Variants in ERBB2 observed in about 807,000 individuals in gnomAD.
ERBB2 encodes erb-b2 receptor tyrosine kinase 2.
In ERBB2, 61 loss-of-function variants were observed where a neutral mutation model predicts 149.0. The ratio of observed to expected loss-of-function variants is 0.41; its 90% confidence interval spans 0.33 to 0.51. ERBB2 has a LOEUF of 0.51. ERBB2 is among the 20% of genes least tolerant of loss of function. The pLI, the probability that ERBB2 is intolerant of heterozygous loss-of-function variation, is 0.25. For missense variants in ERBB2, 1,205 were observed against 1,655.1 expected (o/e 0.73, Z 4.72); for synonymous variants, 633 against 678.8 (o/e 0.93, Z 1.05).
Position 39,727,816 on chromosome 17 carries a change from C to T in ERBB2, c.3540C>T (p.Val1180=), listed in dbSNP as rs759480536. 123 of 1,613,278 alleles carry T rather than the reference C, an allele frequency of 7.6e-5. No homozygotes were observed. Among genetic ancestry groups the T allele is most frequent in the Non-Finnish European group, 9.7e-5 (114 of 1,179,526 alleles). The change falls in exon 27 of 27, where the codon GTC becomes GTT. Residue 1180 remains valine, a synonymous_variant. Transcript: ENST00000269571. The surrounding 1 kb of genome is among the most constrained non-coding windows in gnomAD (Gnocchi z 4.3). ...CTCTCTCCCCAGGGAAGAATGGGGTCGTCAAAGACGTTTTTGCCTTTGGGG... is the reference window on the plus strand; with the variant it reads ...CTCTCTCCCCAGGGAAGAATGGGGTTGTCAAAGACGTTTTTGCCTTTGGGG... The part of the protein sequence containing the change: ...PKTLSPGKNG[V]VKDVFAFGGA...
Position 39,725,872 on chromosome 17 carries a change from C to A in ERBB2, c.2872+19C>A, listed in dbSNP as rs1173728381. On this transcript the variant is annotated intron_variant, in intron 23 of 26. Transcript: ENST00000269571. The surrounding 1 kb of genome is among the most constrained non-coding windows in gnomAD (Gnocchi z 4.6). ...GTCAAATGTGCGTGGCTGAGCTGTGCTGGCTGCCTGGAGGAGGGTGGGAGG... is the reference window on the plus strand; with the variant it reads ...GTCAAATGTGCGTGGCTGAGCTGTGATGGCTGCCTGGAGGAGGGTGGGAGG... 6.2e-7 allele frequency: 1 copy of A among 1,611,706 alleles called. No homozygotes were observed. Among genetic ancestry groups the A allele is most frequent in the South Asian group, 1.1e-5 (1 of 90,550 alleles).
chr17:39,712,471 G>C (rs2145581444), intron 9 of ERBB2, 23 bp downstream of exon 9: 9 of 1,611,626 alleles, frequency 5.6e-6, no homozygotes, highest in Non-Finnish European at 7.6e-6. Flanking sequence ...ACGATGACCT[G>C]AGACAGTGTC....
chr17:39,700,587 T>C (rs1000635791), intron 1 of ERBB2, among the ~76,000 whole-genome samples: 8 of 152,166 alleles, frequency 5.3e-5, no homozygotes, highest in Non-Finnish European at 8.8e-5. Flanking sequence ...TCTCTGAAAT[T>C]GTTCAGAAAG....
chr17:39,702,679 T>C (rs745365564), intron 1 of ERBB2, among the ~76,000 whole-genome samples: 28 of 152,258 alleles, frequency 1.8e-4, no homozygotes, highest in Non-Finnish European at 3.7e-4. Context: ...GGTTTGGGAT[T>C]ACCCATATTC....
intron 4 of ERBB2, 69 bp downstream of exon 4, chr17:39,709,521 AC>A: frequency 1.3e-6 from 2 of 1,573,972 alleles, no homozygotes; most frequent in Non-Finnish European, 1.7e-6. Context: ...CTCCCAACTT[AC>A]AACCCAGTGC....
chr17:39,694,286 T>TACAC (rs1567888267), upstream of ERBB2, among the ~76,000 whole-genome samples: 9 of 45,176 alleles, frequency 2.0e-4, no homozygotes, highest in Non-Finnish European at 5.2e-4. Context: ...TATATATATA[T>TACAC]ATACACATAT....
chr17:39,724,744 G>C lies in ERBB2; in HGVS notation c.2326G>C (p.Gly776Arg). The change falls in exon 20 of 27, where the codon GGT (glycine) becomes CGT (arginine). Residue 776 changes from glycine (G) to arginine (R), a missense_variant. Gly to Arg is a moderately radical substitution (Grantham distance 125). This residue lies in a region of ERBB2 where 152 missense variants were observed against 318.1 expected (regional missense o/e 0.48). Coordinates refer to ENST00000269571, the MANE Select transcript of ERBB2 (RefSeq NM_004448.4). Reference sequence around the variant, plus strand: ...TCCCCAGGAAGCATACGTGATGGCTGGTGTGGGCTCCCCATATGTCTCCCG... The same window carrying C: ...TCCCCAGGAAGCATACGTGATGGCTCGTGTGGGCTCCCCATATGTCTCCCG... Reference protein sequence around the residue: ...EILDEAYVMAGVGSPYVSRLL... With the variant: ...EILDEAYVMARVGSPYVSRLL... The C allele has an allele frequency of 6.2e-7, 1 of 1,614,162 alleles. No individual in the cohort carries two copies. Among genetic ancestry groups the C allele is most frequent in the Non-Finnish European group, 8.5e-7 (1 of 1,180,012 alleles).
At chr17:39,699,591 AAC>A, upstream of ERBB2, 1 of 1,448,942 alleles carries the variant, frequency 6.9e-7, no homozygotes, top group Non-Finnish European at 9.4e-7. Flanking sequence ...CCACAAGGTA[AAC>A]ACAACACATC....
chr17:39,700,809 G>A (rs553334049), intron 1 of ERBB2, among the ~76,000 whole-genome samples: 1 of 152,088 alleles, frequency 6.6e-6, no homozygotes, highest in Non-Finnish European at 1.5e-5. Context: ...TCCTGCTTCT[G>A]GCGGGGTCGG....
chr17:39,688,860 A>C (rs2057626483), intron 2 of ERBB2: 2 of 152,386 alleles, frequency 1.3e-5, no homozygotes, highest in Admixed American at 1.3e-4. Flanking sequence ...ATACATCAAC[A>C]TAAGAACTTG....
chr17:39,717,717 A>G, intron 15 of ERBB2: 1 of 419,556 alleles, frequency 2.4e-6, no homozygotes, highest in Admixed American at 4.0e-5. Context: ...TTGTCTGTGC[A>G]CATTCTAATA....
chr17:39,705,987 GGGCACTTTAATCTCCCCTCACT>G (rs1202717272), intron 1 of ERBB2, among the ~76,000 whole-genome samples: 5 of 152,310 alleles, frequency 3.3e-5, no homozygotes, highest in Admixed American at 3.3e-4. Flanking sequence ...AAGTTCAACT[GGGCACTTTAATCTCCCCTCACT>G]GGCAGGCCTG....
chr17:39,726,836 A>G lies in ERBB2; in HGVS notation c.2992A>G (p.Ser998Gly). 1 of 1,612,836 alleles carries G rather than the reference A, an allele frequency of 6.2e-7. No individual in the cohort carries two copies. The highest frequency in any genetic ancestry group is 8.5e-7 in the Non-Finnish European group (1 of 1,179,232). Reference protein sequence around the residue: ...VIQNEDLGPASPLDSTFYRSL... With the variant: ...VIQNEDLGPAGPLDSTFYRSL... The stretch of plus-strand genomic sequence containing the variant: ...ACAGAATGAGGACTTGGGCCCAGCC[A>G]GTCCCTTGGACAGCACCTTCTACCG... Residue 998 changes from serine (S) to glycine (G), a missense_variant, in exon 25 of 27, where the codon AGT (serine) becomes GGT (glycine). Transcript: ENST00000269571. The surrounding 1 kb of genome is among the most constrained non-coding windows in gnomAD (Gnocchi z 5.1).
At chr17:39,710,288 T>G in intron 6 of ERBB2, 52 bp from the exon 7 acceptor site, 1 of 1,613,036 alleles carries the variant, frequency 6.2e-7, no homozygotes, top group Admixed American at 1.7e-5. Flanking sequence ...CTATTGCCCC[T>G]GGCACACCAG....
In ERBB2 at chr17:39,717,396, A is replaced by C. The variant is rs1282253805; in HGVS notation, c.1814A>C (p.Lys605Thr). ...GTGGCCCGCTGCCCCAGCGGTGTGA[A>C]ACCTGACCTCTCCTACATGCCCATC... is the stretch of plus-strand genomic sequence containing the variant. ...FCVARCPSGV[K>T]PDLSYMPIWK... The change falls in exon 15 of 27, where the codon AAA becomes ACA. Residue 605 changes from lysine to threonine, a missense_variant. By Grantham distance (78) the Lys-to-Thr change is moderately conservative (BLOSUM62 -1). Transcript: ENST00000269571. 6.2e-7 allele frequency: 1 copy of C among 1,612,870 alleles called. No homozygotes were observed. Among genetic ancestry groups the C allele is most frequent in the Non-Finnish European group, 8.5e-7 (1 of 1,179,974 alleles).
chr17:39,694,247 A>ATG (rs1555612004), upstream of ERBB2, among the ~76,000 whole-genome samples: 4 of 43,844 alleles, frequency 9.1e-5, no homozygotes, highest in East Asian at 4.0e-4. Flanking sequence ...ATATATATAT[A>ATG]TATATATATA....
chr17:39,716,662 G>A, intron 14 of ERBB2, 57 bp downstream of exon 14: 1 of 1,494,706 alleles, frequency 6.7e-7, no homozygotes. Flanking sequence ...GGGATTGCCA[G>A]GGACTTGGCA....
upstream of ERBB2, among the ~76,000 whole-genome samples, chr17:39,691,796 A>G (rs148325095): frequency 8.6e-3 from 1,280 of 148,894 alleles, 40 homozygotes; most frequent in Admixed American, 0.054. Context: ...GAGCCATACA[A>G]TGGAAGGCTG....
upstream of ERBB2, among the ~76,000 whole-genome samples, chr17:39,695,701 G>GCACACACACACACACA (rs1226871960): frequency 2.4e-5 from 1 of 41,810 alleles, no homozygotes; most frequent in African/African-American, 9.7e-5. Context: ...TTTGGTGCAT[G>GCACACACACACACACA]CATACACACA....
Sources: allele counts gnomAD v4.1 joint callset (sites outside exome capture counted in the v4.1 genomes callset), GRCh38; gene constraint gnomAD v4.1.1; regional missense constraint gnomAD v4.1.1; non-coding constraint Gnocchi (gnomAD v3.1); transcripts MANE v1.5; gene names NCBI Gene and HGNC (gene_info 2026-07-23, HGNC 2026-07-21).